The following CEP85L variants were observed in gnomAD, a reference collection of about 807,000 sequenced individuals.
The protein encoded by CEP85L is centrosomal protein of 85 kDa-like.
In CEP85L, 60 loss-of-function variants were observed where a neutral mutation model predicts 100.3. The observed-to-expected ratio is 0.60, with a 90% CI of 0.49 to 0.74. The LOEUF is 0.74. Ranked by LOEUF, CEP85L falls within the 30% of genes least tolerant of loss-of-function variation. The pLI is 0.00. For synonymous variants in CEP85L, 319 were observed against 322.7 expected (o/e 0.99, Z 0.12); for missense variants, 973 against 936.2 (o/e 1.04, Z -0.51).
intron 3 of CEP85L, among the ~76,000 whole-genome samples, chr6:118,543,872 T>C (rs1227998690): frequency 1.3e-5 from 2 of 152,096 alleles, no homozygotes; most frequent in East Asian, 3.9e-4. Context: ...AAAAACTGAG[T>C]AGGAAAGAGT....
intron 9 of CEP85L, 46 bp downstream of exon 9, chr6:118,480,350 C>T (rs1344036110): frequency 9.9e-7 from 1 of 1,007,382 alleles, no homozygotes; most frequent in African/African-American, 1.6e-5. Flanking sequence ...ACACACATAT[C>T]CACATAGCAT....
intron 6 of CEP85L, among the ~76,000 whole-genome samples, chr6:118,489,787 T>C (rs571551692): frequency 1.3e-5 from 2 of 152,332 alleles, no homozygotes; most frequent in Admixed American, 1.3e-4. Flanking sequence ...TACTTCTGGA[T>C]ATTTATCCAA....
chr6:118,520,327 T>C (rs2114768912), intron 4 of CEP85L, among the ~76,000 whole-genome samples: 1 of 152,148 alleles, frequency 6.6e-6, no homozygotes. Context: ...AAAAAATACC[T>C]ACTTAAACTA....
intron 6 of CEP85L, among the ~76,000 whole-genome samples, chr6:118,485,939 A>G (rs1305761762): frequency 6.6e-6 from 1 of 152,326 alleles, no homozygotes; most frequent in African/African-American, 2.4e-5. Context: ...TGCCTCAAAA[A>G]GCAATGACTG....
intron 2 of CEP85L, among the ~76,000 whole-genome samples, chr6:118,577,714 T>C (rs1466340306): frequency 2.0e-5 from 3 of 152,178 alleles, no homozygotes; most frequent in Non-Finnish European, 4.4e-5. Context: ...TGTGTCATAA[T>C]TGGGGCCCAA....
intron 1 of CEP85L, among the ~76,000 whole-genome samples, chr6:118,704,252 G>C (rs1211004930): frequency 1.3e-5 from 2 of 152,160 alleles, no homozygotes; most frequent in African/African-American, 2.4e-5. Flanking sequence ...CAATTCTTTT[G>C]GAATTTCCCT....
chr6:118,519,363 C>T (rs185046262), intron 4 of CEP85L, among the ~76,000 whole-genome samples: 1,906 of 150,116 alleles, frequency 0.013, 25 homozygotes, highest in Non-Finnish European at 0.017. Context: ...TGCATGAACC[C>T]GGGAGGCGGA....
intron 1 of CEP85L, among the ~76,000 whole-genome samples, chr6:118,679,569 A>G (rs1241180964): frequency 1.3e-5 from 2 of 152,194 alleles, no homozygotes; most frequent in East Asian, 1.9e-4. Flanking sequence ...TGTCTTAGTC[A>G]TGTAGTGTCC....
At chr6:118,551,701 A>G (rs1778554806) in intron 3 of CEP85L, among the ~76,000 whole-genome samples, 1 of 152,058 alleles carries the variant, frequency 6.6e-6, no homozygotes, top group African/African-American at 2.4e-5. Flanking sequence ...GAATGAGAAT[A>G]TATTGATTTT....
At chr6:118,683,394 T>C (rs535044052) in intron 1 of CEP85L, among the ~76,000 whole-genome samples, 1 of 152,298 alleles carries the variant, frequency 6.6e-6, no homozygotes, top group South Asian at 2.1e-4. Context: ...ACCATAAACA[T>C]TTTTATATAA....
rs747392942 is a variant in CEP85L at position 118,480,464 on chromosome 6, T to C, written c.1795A>G (p.Met599Val). 1.2e-6 allele frequency: 2 copies of C among 1,612,098 alleles called. No homozygotes were observed. The highest frequency in any genetic ancestry group is 1.7e-4 in the Middle Eastern group (1 of 6,048). ...RCLEDGIRLP[M>V]LDAKQLQNEN... Reference sequence around the variant, plus strand: ...TTCTGAAGCTGTTTTGCATCTAACATGGGAAGGCGGATTCCATCTTCAAGG... The same window carrying C: ...TTCTGAAGCTGTTTTGCATCTAACACGGGAAGGCGGATTCCATCTTCAAGG... Residue 599 changes from methionine to valine, a missense_variant, in exon 9 of 13, where the codon ATG (methionine) becomes GTG (valine). Physicochemically the swap from Met to Val is conservative, Grantham distance 21 (BLOSUM62 1). Around this residue, in one of 3 missense-constraint regions of CEP85L, gnomAD observed 890 missense variants for 844.5 expected, o/e 1.05. Coordinates refer to ENST00000368491, the MANE Select transcript of CEP85L (RefSeq NM_001042475.3).
At chr6:118,551,773 C>A (rs377610115) in intron 3 of CEP85L, among the ~76,000 whole-genome samples, 19 of 152,042 alleles carry the variant, frequency 1.2e-4, no homozygotes, top group African/African-American at 4.6e-4. Flanking sequence ...TTCAAACAGC[C>A]AGTCTGGACC....
intron 5 of CEP85L, 41 bp from the exon 6 acceptor site, chr6:118,491,906 T>C (rs1377532543): frequency 6.8e-7 from 1 of 1,479,292 alleles, no homozygotes; most frequent in Non-Finnish European, 9.2e-7. Flanking sequence ...TTTAAAAGTT[T>C]GTCTTGAACA....
intron 1 of CEP85L, among the ~76,000 whole-genome samples, chr6:118,677,582 A>C (rs1400592751): frequency 1.3e-5 from 2 of 152,168 alleles, no homozygotes; most frequent in African/African-American, 2.4e-5. Context: ...CTCCCAATAC[A>C]TGTTTTCCAC....
intron 2 of CEP85L, among the ~76,000 whole-genome samples, chr6:118,610,978 C>G (rs1360736511): frequency 6.6e-6 from 1 of 151,932 alleles, no homozygotes; most frequent in Admixed American, 6.6e-5. Flanking sequence ...TAAAAGAAAA[C>G]TAAGATAATT....
At chr6:118,635,518 A>G (rs557573394) in intron 1 of CEP85L, among the ~76,000 whole-genome samples, 1 of 152,288 alleles carries the variant, frequency 6.6e-6, no homozygotes, top group East Asian at 1.9e-4. Context: ...TTATTATTCA[A>G]TCTACCAGTT....
chr6:118,698,885 C>T (rs1368525644), intron 1 of CEP85L, among the ~76,000 whole-genome samples: 1 of 152,178 alleles, frequency 6.6e-6, no homozygotes, highest in Non-Finnish European at 1.5e-5. Flanking sequence ...AACCCCTGAG[C>T]TTTCACAAAG....
At chr6:118,491,193 C>CTA (rs375664889) in intron 6 of CEP85L, among the ~76,000 whole-genome samples, 1 of 102,196 alleles carries the variant, frequency 9.8e-6, no homozygotes, top group Non-Finnish European at 1.9e-5. Flanking sequence ...ATACCAACAT[C>CTA]TATACACACA....
At chr6:118,542,916 A>G (rs971631999) in intron 3 of CEP85L, among the ~76,000 whole-genome samples, 1 of 150,776 alleles carries the variant, frequency 6.6e-6, no homozygotes, top group African/African-American at 2.4e-5. Context: ...AAAAAAAAAA[A>G]AAAAAAACAG....
Sources: gnomAD v4.1 joint callset for allele counts (sites outside exome capture counted in the v4.1 genomes callset) on GRCh38, gnomAD v4.1.1 for gene constraint, gnomAD v4.1.1 regional missense constraint, MANE v1.5 for transcripts, NCBI Gene and HGNC (gene_info 2026-07-23, HGNC 2026-07-21) for gene names.